The following PCBP3 variants were observed in gnomAD, a reference collection of about 807,000 sequenced individuals.
The protein encoded by PCBP3 is poly(rC) binding protein 3.
A neutral mutation model predicts 52.7 loss-of-function variants in PCBP3; 25 were observed. That is an observed-to-expected ratio of 0.47 (90% CI 0.35 to 0.66). PCBP3 has a LOEUF of 0.66. Among genes scored for constraint, PCBP3 ranks in the 30% least tolerant of loss-of-function variants. The pLI, the probability that PCBP3 is intolerant of heterozygous loss-of-function variation, is 0.01. For missense variants in PCBP3, 391 were observed against 490.3 expected (o/e 0.80, Z 1.91); for synonymous variants, 162 against 183.0 (o/e 0.89, Z 0.93).
rs1254774926 is a variant in PCBP3, at chr21:45,924,960, G to A, written c.718-4957G>A. Among the ~76,000 whole-genome samples, 22 of 52,536 alleles carry A rather than the reference G, an allele frequency of 4.2e-4. 2 individuals are homozygous for A. The highest frequency in any genetic ancestry group is 2.4e-3 in the African/African-American group (14 of 5,810). The allele number at this position is 52,536 out of a possible 152,430, so 34.5% of individuals were successfully genotyped here. A position where few individuals can be genotyped will look rare whatever the true frequency, so the allele number is the denominator to read the frequency against. ...GTGTGCGTGAGGAGATGCGAACACC[G>A]GGAACAGTCGTGTGGGTAGAAACAG... On this transcript the variant is annotated intron_variant, in intron 13 of 17. Coordinates refer to ENST00000681687, the MANE Select transcript of PCBP3 (RefSeq NM_001384156.1).
intron 4 of PCBP3, among the ~76,000 whole-genome samples, chr21:45,769,097 C>T (rs1048073342): frequency 1.3e-5 from 2 of 152,166 alleles, no homozygotes; most frequent in South Asian, 4.1e-4. Flanking sequence ...GCTGACTTAG[C>T]TCAGCCTCAG....
At chr21:45,842,264 A>G (rs2093714532) in intron 4 of PCBP3, among the ~76,000 whole-genome samples, 1 of 152,218 alleles carries the variant, frequency 6.6e-6, no homozygotes, top group African/African-American at 2.4e-5. Context: ...GACTACAAGT[A>G]CGATTTGGAG....
At chr21:45,923,219 G>A (rs1404336050) in intron 13 of PCBP3, among the ~76,000 whole-genome samples, 1 of 152,202 alleles carries the variant, frequency 6.6e-6, no homozygotes, top group Non-Finnish European at 1.5e-5. Context: ...GTGGGGAGGT[G>A]GGTGAGGGGT....
In PCBP3 at chr21:45,796,754, G is replaced by A. The variant is rs140896514; in HGVS notation, c.-126+41302G>A. 4.0e-3 allele frequency among the ~76,000 whole-genome samples: 603 copies of A among 152,146 alleles called. 4 individuals are homozygous for A. The highest frequency in any genetic ancestry group is 0.014 in the African/African-American group (580 of 41,516). ...TCTTTTTTGTTAGCATGTTTTTATG[G>A]TGTGTTTATTGTCAGTAAAGATGTT... On this transcript the variant is annotated intron_variant, in intron 4 of 17. Transcript: ENST00000681687.
chr21:45,705,506 C>T (rs2083393133), intron 2 of PCBP3, among the ~76,000 whole-genome samples: 1 of 152,198 alleles, frequency 6.6e-6, no homozygotes, highest in African/African-American at 2.4e-5. Context: ...TGTGTTTTCT[C>T]TGGGGATTCT....
rs1446445042 is a variant in PCBP3, at chr21:45,669,801, GTGTGTATATATATATA to G, written c.-200+851_-200+866del. ...ATAATATTCCATTGTGTGTGTGTGT[GTGTGTATATATATATA>G]TATATATATATATATATATATATAT... is the stretch of plus-strand genomic sequence containing the variant. On this transcript the variant is annotated intron_variant, in intron 2 of 17. Coordinates refer to ENST00000681687, the MANE Select transcript of PCBP3 (RefSeq NM_001384156.1). 1.4e-3 allele frequency among the ~76,000 whole-genome samples: 94 copies of G among 69,054 alleles called. 1 individual carries two copies. The highest frequency in any genetic ancestry group is 4.2e-3 in the South Asian group (8 of 1,894). 45.3% of individuals were successfully genotyped at this position (69,054 alleles called of 152,430 possible). A position where few individuals can be genotyped will look rare whatever the true frequency, so the allele number is the denominator to read the frequency against.
chr21:45,708,258 C>G (rs1052288379), intron 2 of PCBP3, among the ~76,000 whole-genome samples: 7 of 152,136 alleles, frequency 4.6e-5, no homozygotes, highest in African/African-American at 1.7e-4. Context: ...GAGTGGTGCT[C>G]TGGTCTCCTG....
At chr21:45,733,977 C>T (rs2085658261) in intron 2 of PCBP3, among the ~76,000 whole-genome samples, 1 of 152,222 alleles carries the variant, frequency 6.6e-6, no homozygotes, top group African/African-American at 2.4e-5. Context: ...TTTTGTGCTT[C>T]TTTGCATGCC....
chr21:45,909,625 A>G (rs2096286460), intron 10 of PCBP3, 139 bp downstream of exon 10: 6 of 771,214 alleles, frequency 7.8e-6, no homozygotes, highest in Non-Finnish European at 1.2e-5. Flanking sequence ...CCCACAGCTC[A>G]AAGTGCGAGA....
chr21:45,936,203 G>C (rs965261715), intron 16 of PCBP3, among the ~76,000 whole-genome samples: 1 of 152,240 alleles, frequency 6.6e-6, no homozygotes, highest in Admixed American at 6.5e-5. Context: ...CACCAGTCCT[G>C]TGTGTGGAAG....
chr21:45,937,647 A>T (rs1211500221), intron 16 of PCBP3, among the ~76,000 whole-genome samples: 1 of 152,238 alleles, frequency 6.6e-6, no homozygotes, highest in African/African-American at 2.4e-5. Flanking sequence ...ATGGAGGCAC[A>T]CAAGGGTGAG....
At chr21:45,818,359 G>A (rs1349466847) in intron 4 of PCBP3, among the ~76,000 whole-genome samples, 2 of 152,200 alleles carry the variant, frequency 1.3e-5, no homozygotes, top group East Asian at 3.9e-4. Context: ...GTTTGCATTG[G>A]GGCTCACTGT....
intron 4 of PCBP3, among the ~76,000 whole-genome samples, chr21:45,814,735 G>A (rs1416357324): frequency 7.3e-6 from 1 of 137,858 alleles, no homozygotes; most frequent in African/African-American, 2.7e-5. Flanking sequence ...TGAGTGGTGA[G>A]TGAGTGGTGA....
intron 1 of PCBP3, among the ~76,000 whole-genome samples, chr21:45,665,637 C>G (rs1213905087): frequency 6.6e-6 from 1 of 152,038 alleles, no homozygotes; most frequent in African/African-American, 2.4e-5. Context: ...AAAATTCTCC[C>G]AATAAAACAA....
At chr21:45,916,065 G>A (rs1282819884) in intron 12 of PCBP3, 1 of 152,328 alleles carries the variant, frequency 6.6e-6, no homozygotes, top group Non-Finnish European at 1.5e-5. Flanking sequence ...CGCGTTTCTA[G>A]CACGACATGG....
chr21:45,731,751 C>T (rs1166561646), intron 2 of PCBP3, among the ~76,000 whole-genome samples: 1 of 152,166 alleles, frequency 6.6e-6, no homozygotes, highest in Non-Finnish European at 1.5e-5. Flanking sequence ...CAAGTAATAT[C>T]ATACCAGTTC....
chr21:45,855,565 A>G (rs905693126), intron 5 of PCBP3, among the ~76,000 whole-genome samples: 4 of 152,182 alleles, frequency 2.6e-5, no homozygotes, highest in African/African-American at 9.7e-5. Flanking sequence ...CCTGAACCCA[A>G]CCAGGCCGGT....
intron 2 of PCBP3, among the ~76,000 whole-genome samples, chr21:45,671,853 A>G (rs1335266876): frequency 1.3e-5 from 2 of 152,132 alleles, no homozygotes; most frequent in African/African-American, 2.4e-5. Context: ...GTCTTCATTC[A>G]TCATGGTCAG....
intron 13 of PCBP3, among the ~76,000 whole-genome samples, chr21:45,927,282 T>TCTCCCC (rs2075554226): frequency 1.7e-5 from 2 of 119,342 alleles, no homozygotes; most frequent in African/African-American, 3.3e-5. Flanking sequence ...CTCCTCTCCC[T>TCTCCCC]CCCTCTCCCC....
Sources: gnomAD v4.1 joint callset for allele counts (sites outside exome capture counted in the v4.1 genomes callset) on GRCh38, gnomAD v4.1.1 for gene constraint, MANE v1.5 for transcripts, NCBI Gene and HGNC (gene_info 2026-07-23, HGNC 2026-07-21) for gene names.